Variants in HS6ST3 observed in about 807,000 individuals in gnomAD.
The protein encoded by HS6ST3 is heparan sulfate 6-O-sulfotransferase 3, also known as heparan-sulfate 6-O-sulfotransferase 3.
A neutral mutation model predicts 36.7 loss-of-function variants in HS6ST3; 12 were observed. The ratio of observed to expected loss-of-function variants is 0.33; its 90% CI spans 0.21 to 0.53. The LOEUF (loss-of-function observed/expected upper bound fraction) is 0.53. HS6ST3 is among the 20% of genes least tolerant of loss of function. HS6ST3 has a pLI of 0.95. For synonymous variants in HS6ST3, 240 were observed against 257.5 expected, an observed-to-expected ratio of 0.93 and a Z score of 0.65; for missense variants, 584 against 640.9, an observed-to-expected ratio of 0.91 and a Z score of 0.96.
chr13:96,204,952 T>C (rs1015781157), intron 1 of HS6ST3, among the ~76,000 whole-genome samples: 1 of 151,628 alleles, frequency 6.6e-6, no homozygotes, highest in Middle Eastern at 3.4e-3. Context: ...ACAAACAAAC[T>C]CGAAATCTAG....
At chr13:96,672,268 T>C (rs926648741) in intron 1 of HS6ST3, among the ~76,000 whole-genome samples, 10 of 152,194 alleles carry the variant, frequency 6.6e-5, no homozygotes, top group Non-Finnish European at 2.9e-5. Context: ...TCACAGCTGA[T>C]CCACAAGGAC....
chr13:96,268,986 C>T (rs2054706380), intron 1 of HS6ST3, among the ~76,000 whole-genome samples: 1 of 151,948 alleles, frequency 6.6e-6, no homozygotes, highest in Admixed American at 6.6e-5. Context: ...ATCCCATGAA[C>T]CACACTTGAC....
intron 1 of HS6ST3, among the ~76,000 whole-genome samples, chr13:96,446,958 G>A (rs1315564324): frequency 6.6e-6 from 1 of 152,024 alleles, no homozygotes; most frequent in Non-Finnish European, 1.5e-5. Flanking sequence ...TTTTCCCTAG[G>A]TGTGCCTTCA....
At position 96,703,543 on chromosome 13, in the gene HS6ST3, A is replaced by T. The variant is rs572145593; in HGVS notation, c.708-128947A>T. Among the ~76,000 whole-genome samples the T allele has an allele frequency of 2.6e-5, 4 of 152,358 alleles. No individual in the cohort carries two copies. The South Asian group carries it at 8.3e-4, about 32-fold the overall frequency. On this transcript the variant is annotated intron_variant, in intron 1 of 1. Coordinates refer to ENST00000376705, the MANE Select transcript of HS6ST3 (RefSeq NM_153456.4). Reference sequence around the variant, plus strand: ...TTTTCATATGTCTAAAGTGGGGATAACAAAGAAAATGCAATAAATTCACCA... The same window carrying T: ...TTTTCATATGTCTAAAGTGGGGATATCAAAGAAAATGCAATAAATTCACCA...
chr13:96,261,424 T>C (rs2054666131), intron 1 of HS6ST3, among the ~76,000 whole-genome samples: 1 of 152,080 alleles, frequency 6.6e-6, no homozygotes, highest in South Asian at 2.1e-4. Flanking sequence ...CATATGGAAC[T>C]GTGAATGAAA....
intron 1 of HS6ST3, among the ~76,000 whole-genome samples, chr13:96,524,315 C>T (rs1014400366): frequency 1.3e-5 from 2 of 152,192 alleles, no homozygotes; most frequent in Non-Finnish European, 2.9e-5. Flanking sequence ...ACACAGGGGT[C>T]AGGGACCCAC....
chr13:96,603,011 G>A (rs531861640), intron 1 of HS6ST3, among the ~76,000 whole-genome samples: 9 of 152,186 alleles, frequency 5.9e-5, no homozygotes, highest in African/African-American at 2.2e-4. Flanking sequence ...GTATCACCTG[G>A]CTTTCTTAGC....
chr13:96,277,682 G>A (rs1249260469), intron 1 of HS6ST3, among the ~76,000 whole-genome samples: 1 of 152,038 alleles, frequency 6.6e-6, no homozygotes, highest in African/African-American at 2.4e-5. Flanking sequence ...TTTTAAGTGA[G>A]TAAAACATCA....
At chr13:96,522,176 A>G (rs992634502) in intron 1 of HS6ST3, among the ~76,000 whole-genome samples, 3 of 152,140 alleles carry the variant, frequency 2.0e-5, no homozygotes, top group African/African-American at 7.2e-5. Flanking sequence ...GAGTTTCTTA[A>G]TCCTGAGTTC....
intron 1 of HS6ST3, among the ~76,000 whole-genome samples, chr13:96,279,817 G>A (rs2054766555): frequency 6.6e-6 from 1 of 152,176 alleles, no homozygotes; most frequent in African/African-American, 2.4e-5. Context: ...AATGTTTGGA[G>A]ATTCTGAATT....
intron 1 of HS6ST3, among the ~76,000 whole-genome samples, chr13:96,584,485 A>G (rs2056353654): frequency 6.6e-6 from 1 of 152,146 alleles, no homozygotes; most frequent in Non-Finnish European, 1.5e-5. Context: ...GAAACTTAAT[A>G]TGTAGAAGAT....
chr13:96,732,063 A>T (rs1181979454), intron 1 of HS6ST3, among the ~76,000 whole-genome samples: 1 of 152,166 alleles, frequency 6.6e-6, no homozygotes, highest in Non-Finnish European at 1.5e-5. Context: ...ATCCTTGCTA[A>T]TACTTGTTAT....
chr13:96,717,851 G>A (rs887714138), intron 1 of HS6ST3, among the ~76,000 whole-genome samples: 17 of 152,200 alleles, frequency 1.1e-4, no homozygotes, highest in African/African-American at 4.1e-4. Context: ...TTGCACATAT[G>A]TGTGGGGAAA....
intron 1 of HS6ST3, among the ~76,000 whole-genome samples, chr13:96,655,120 T>C (rs1271141926): frequency 1.3e-5 from 2 of 152,168 alleles, no homozygotes; most frequent in African/African-American, 4.8e-5. Flanking sequence ...TTGTTAAGTT[T>C]ATATTTTCTC....
intron 1 of HS6ST3, among the ~76,000 whole-genome samples, chr13:96,735,147 C>T (rs759562022): frequency 1.5e-4 from 22 of 151,384 alleles, no homozygotes; most frequent in Admixed American, 8.6e-4. Flanking sequence ...GTGCATTAAC[C>T]AAAATAGTCT....
intron 1 of HS6ST3, among the ~76,000 whole-genome samples, chr13:96,422,557 A>C (rs2055567272): frequency 2.0e-5 from 3 of 152,204 alleles, no homozygotes; most frequent in Non-Finnish European, 4.4e-5. Context: ...GAATTTCAAG[A>C]GATTTTGAGA....
At chr13:96,565,722 T>C (rs898611562) in intron 1 of HS6ST3, among the ~76,000 whole-genome samples, 4 of 152,114 alleles carry the variant, frequency 2.6e-5, no homozygotes, top group Non-Finnish European at 5.9e-5. Flanking sequence ...AATCTGTGGG[T>C]ATCCTAAAGA....
chr13:96,164,859 T>A (rs562735730), intron 1 of HS6ST3, among the ~76,000 whole-genome samples: 95 of 152,288 alleles, frequency 6.2e-4, no homozygotes, highest in Non-Finnish European at 1.9e-4. Context: ...ATTTTTTTTT[T>A]AATTACAGCT....
At chr13:96,304,786 C>T (rs982190221) in intron 1 of HS6ST3, among the ~76,000 whole-genome samples, 48 of 146,618 alleles carry the variant, frequency 3.3e-4, no homozygotes, top group African/African-American at 1.1e-3. Context: ...TCTCAGCTCA[C>T]TGCAACCTCC....
Sources: gnomAD v4.1 joint callset for allele counts (sites outside exome capture counted in the v4.1 genomes callset) on GRCh38, gnomAD v4.1.1 for gene constraint, MANE v1.5 for transcripts, NCBI Gene and HGNC (gene_info 2026-07-23, HGNC 2026-07-21) for gene names.